The following EYA2 variants were observed in gnomAD, a reference collection of about 807,000 sequenced individuals.
EYA2 encodes the protein protein phosphatase EYA2.
A neutral mutation model predicts 69.2 loss-of-function variants in EYA2; 31 were observed. The observed-to-expected ratio is 0.45, with a 90% confidence interval of 0.34 to 0.60. The LOEUF (loss-of-function observed/expected upper bound fraction) is 0.60, where lower values mean the gene tolerates loss of function less well. Among genes scored for constraint, EYA2 ranks in the 20% least tolerant of loss-of-function variants. EYA2 has a pLI of 0.02. For synonymous variants in EYA2, 257 were observed against 279.4 expected, an observed-to-expected ratio of 0.92 and a Z score of 0.80; for missense variants, 622 against 701.2, an observed-to-expected ratio of 0.89 and a Z score of 1.28.
At position 46,937,926 on chromosome 20, in the gene EYA2, C is replaced by T. The variant is rs559524124; in HGVS notation, c.-11+42939C>T. On this transcript the variant is annotated intron_variant, in intron 1 of 15. Transcript: ENST00000327619. The stretch of plus-strand genomic sequence containing the variant: ...AGAGCATGGCATATTAAAGGTGTAT[C>T]CTATGGGGAGCCAGGCCCTGATTTA... Among the ~76,000 whole-genome samples the T allele has an allele frequency of 2.0e-5, 3 of 152,232 alleles. No individual in the cohort carries two copies. In the East Asian group the frequency reaches 5.8e-4, roughly 29 times the overall value.
At chr20:47,147,951 C>T (rs529526633) in intron 10 of EYA2, among the ~76,000 whole-genome samples, 5 of 151,068 alleles carry the variant, frequency 3.3e-5, no homozygotes, top group African/African-American at 1.2e-4. Context: ...CCCAGCTACC[C>T]AGGAGGCTGG....
chr20:46,954,971 T>A (rs916784482), intron 1 of EYA2, among the ~76,000 whole-genome samples: 1 of 152,178 alleles, frequency 6.6e-6, no homozygotes, highest in African/African-American at 2.4e-5. Context: ...TGGCCATTCG[T>A]AAGGTCAAAA....
At chr20:46,978,042 G>A (rs1446631080) in intron 1 of EYA2, among the ~76,000 whole-genome samples, 1 of 152,238 alleles carries the variant, frequency 6.6e-6, no homozygotes, top group East Asian at 1.9e-4. Context: ...CCGCAGGCAA[G>A]GGTCTGCCCA....
chr20:47,034,929 C>T (rs1984613833), intron 5 of EYA2, among the ~76,000 whole-genome samples: 1 of 152,216 alleles, frequency 6.6e-6, no homozygotes, highest in African/African-American at 2.4e-5. Context: ...ACATGGCATT[C>T]TCTCTGTGTG....
chr20:47,080,899 A>G (rs2031689797), intron 7 of EYA2, among the ~76,000 whole-genome samples: 1 of 152,150 alleles, frequency 6.6e-6, no homozygotes, highest in South Asian at 2.1e-4. Flanking sequence ...ACAAGGTCTT[A>G]CTCTGTCACC....
chr20:47,125,243 G>A (rs927761250), intron 9 of EYA2, among the ~76,000 whole-genome samples: 1 of 151,832 alleles, frequency 6.6e-6, no homozygotes, highest in African/African-American at 2.4e-5. Context: ...TTTTAGTAGA[G>A]ATGGGGTTTC....
At chr20:47,010,517 T>A (rs1295263607) in intron 4 of EYA2, among the ~76,000 whole-genome samples, 1 of 151,986 alleles carries the variant, frequency 6.6e-6, no homozygotes, top group East Asian at 1.9e-4. Context: ...TGCTCCCAGC[T>A]ACTAGAGAGG....
rs1555802447 is a variant in EYA2 at position 46,912,699 on chromosome 20, T to TTTC, written c.-11+17715_-11+17717dup. ...AGAGGAATTTTTAATTTTTTTTTTT[T>TTTC]TTCTTTTTTTTTGAGACGGAGTCTC... On this transcript the variant is annotated intron_variant, in intron 1 of 15. Transcript: ENST00000327619. 2.3e-3 allele frequency among the ~76,000 whole-genome samples: 340 copies of TTTC among 150,602 alleles called. 5 individuals carry two copies. The highest frequency in any genetic ancestry group is 7.8e-3 in the African/African-American group (322 of 41,216).
chr20:47,174,350 T>C (rs2034387532), intron 12 of EYA2, among the ~76,000 whole-genome samples: 1 of 152,236 alleles, frequency 6.6e-6, no homozygotes, highest in Admixed American at 6.5e-5. Flanking sequence ...GCCTTAGTCT[T>C]TAAATCTATG....
intron 1 of EYA2, among the ~76,000 whole-genome samples, chr20:46,936,094 C>T (rs1409247304): frequency 1.3e-5 from 2 of 152,128 alleles, no homozygotes; most frequent in African/African-American, 2.4e-5. Context: ...ATCCTAAACA[C>T]TTCCAGTCCC....
rs1463903003 is a variant in EYA2 at position 47,093,563 on chromosome 20, CCT to C, written c.805-3517_805-3516del. On this transcript the variant is annotated intron_variant, in intron 8 of 15. Coordinates refer to ENST00000327619, the MANE Select transcript of EYA2 (RefSeq NM_005244.5). ...TCAGGGTCAGCAGCTTAACTCTTCC[CCT>C]CTCTGGGCACCAGCGCAAGCTGTGC... 2.0e-5 allele frequency among the ~76,000 whole-genome samples: 3 copies of C among 152,352 alleles called. No individual in the cohort carries two copies. The East Asian group carries it at 5.8e-4, about 29-fold the overall frequency.
chr20:47,121,075 T>G (rs918174116), intron 9 of EYA2, among the ~76,000 whole-genome samples: 2 of 151,548 alleles, frequency 1.3e-5, no homozygotes, highest in Admixed American at 1.3e-4. Flanking sequence ...GGAATTCAAG[T>G]TTGTTGTTGT....
At chr20:47,003,314 A>G (rs1207381641) in intron 3 of EYA2, among the ~76,000 whole-genome samples, 1 of 152,248 alleles carries the variant, frequency 6.6e-6, no homozygotes, top group Non-Finnish European at 1.5e-5. Flanking sequence ...TGGAGTTTAA[A>G]TGAGCCAATT....
chr20:46,921,209 C>T (rs185829304), intron 1 of EYA2, among the ~76,000 whole-genome samples: 261 of 152,374 alleles, frequency 1.7e-3, no homozygotes, highest in African/African-American at 5.8e-3. Context: ...CGCCGGCCCT[C>T]GCCTCAGAGA....
At chr20:47,109,782 A>T (rs2032696821) in intron 9 of EYA2, among the ~76,000 whole-genome samples, 1 of 152,170 alleles carries the variant, frequency 6.6e-6, no homozygotes, top group Admixed American at 6.5e-5. Context: ...CCCAGGGGAC[A>T]TTTGACATTC....
At chr20:46,931,761 T>C (rs1985680426) in intron 1 of EYA2, among the ~76,000 whole-genome samples, 1 of 152,124 alleles carries the variant, frequency 6.6e-6, no homozygotes, top group Non-Finnish European at 1.5e-5. Context: ...ATGTCGGATT[T>C]TCGCTGACCA....
At chr20:46,927,593 C>A (rs967848921) in intron 1 of EYA2, among the ~76,000 whole-genome samples, 16 of 152,124 alleles carry the variant, frequency 1.1e-4, no homozygotes, top group African/African-American at 3.9e-4. Flanking sequence ...AAAGGGGAAA[C>A]CCCTTATAAA....
intron 1 of EYA2, among the ~76,000 whole-genome samples, chr20:46,924,526 C>A (rs1045909232): frequency 1.9e-4 from 29 of 152,064 alleles, no homozygotes; most frequent in Admixed American, 1.6e-3. Context: ...AAAAATTAGC[C>A]AGGCGTGGTG....
intron 1 of EYA2, among the ~76,000 whole-genome samples, chr20:46,900,598 G>A (rs1028704739): frequency 1.3e-5 from 2 of 152,164 alleles, no homozygotes; most frequent in African/African-American, 4.8e-5. Flanking sequence ...ATTCCACACA[G>A]TAATTGCTTT....
Sources: allele counts gnomAD v4.1 joint callset (sites outside exome capture counted in the v4.1 genomes callset), GRCh38; gene constraint gnomAD v4.1.1; transcripts MANE v1.5; gene names NCBI Gene and HGNC (gene_info 2026-07-23, HGNC 2026-07-21).